The following CNTNAP3 variants were observed in gnomAD, a reference collection of about 807,000 sequenced individuals.
The protein encoded by CNTNAP3 is contactin associated protein family member 3.
In CNTNAP3, 36 loss-of-function variants were observed where a neutral mutation model predicts 92.1. The ratio of observed to expected loss-of-function variants is 0.39; its 90% CI spans 0.30 to 0.52. The LOEUF is 0.52. CNTNAP3 is among the 20% of genes least tolerant of loss of function. CNTNAP3 has a pLI of 0.76. For synonymous variants in CNTNAP3, 232 were observed against 422.3 expected (o/e 0.55, Z 5.53); for missense variants, 534 against 1,069.6 (o/e 0.50, Z 6.98).
At chr9:39,120,812 A>G (rs1821001573) in intron 13 of CNTNAP3, among the ~76,000 whole-genome samples, 2 of 152,218 alleles carry the variant, frequency 1.3e-5, no homozygotes, top group South Asian at 4.1e-4. Context: ...TTGGAACATC[A>G]GGAAAAAAAT....
At position 39,083,836 on chromosome 9, in the gene CNTNAP3, A is replaced by G. The variant is rs1357504332; in HGVS notation, c.3442+1900T>C. ...CCTCTTGGATAAAATTCAAAGCTATATAGAAAATTCAAAATCTAAAAAGCT... is the reference window on the plus strand; with the variant it reads ...CCTCTTGGATAAAATTCAAAGCTATGTAGAAAATTCAAAATCTAAAAAGCT... On this transcript the variant is annotated intron_variant, in intron 21 of 23. Transcript: ENST00000297668. Among the ~76,000 whole-genome samples, 3 of 151,966 alleles carry G rather than the reference A, an allele frequency of 2.0e-5. No homozygotes were observed. The East Asian group carries it at 5.8e-4, about 30-fold the overall frequency.
intron 18 of CNTNAP3, among the ~76,000 whole-genome samples, chr9:39,096,947 T>C (rs1826340501): frequency 6.6e-6 from 1 of 151,336 alleles, no homozygotes; most frequent in Non-Finnish European, 1.5e-5. Context: ...AACCATTATT[T>C]TTCAAATATT....
At chr9:39,100,991 T>A (rs1826443689) in intron 17 of CNTNAP3, among the ~76,000 whole-genome samples, 1 of 150,998 alleles carries the variant, frequency 6.6e-6, no homozygotes, top group African/African-American at 2.4e-5. Context: ...TGGGTGATTC[T>A]GAAGCCAGTG....
intron 15 of CNTNAP3, among the ~76,000 whole-genome samples, chr9:39,104,140 G>A (rs1021826391): frequency 5.9e-5 from 9 of 152,084 alleles, no homozygotes; most frequent in African/African-American, 1.7e-4. Flanking sequence ...AAACAAAAGC[G>A]AAGCAAAAGC....
chr9:39,133,987 A>G (rs1361549463), intron 12 of CNTNAP3, among the ~76,000 whole-genome samples: 1 of 152,210 alleles, frequency 6.6e-6, no homozygotes, highest in Admixed American at 6.5e-5. Context: ...AAACATTCGT[A>G]TGGGGATTTT....
At chr9:39,118,340 G>T in intron 13 of CNTNAP3, 81 bp from the exon 14 acceptor site, 1 of 1,580,498 alleles carries the variant, frequency 6.3e-7, no homozygotes, top group Non-Finnish European at 8.6e-7. Flanking sequence ...TTACTCCCAG[G>T]TGTAAAGTGT....
intron 15 of CNTNAP3, among the ~76,000 whole-genome samples, chr9:39,108,036 T>C (rs866793103): frequency 3.9e-5 from 6 of 152,100 alleles, no homozygotes; most frequent in African/African-American, 1.4e-4. Context: ...TAATGGATGC[T>C]GATAGAAAAC....
At chr9:39,116,732 A>G (rs1433033614) in intron 14 of CNTNAP3, among the ~76,000 whole-genome samples, 1 of 152,110 alleles carries the variant, frequency 6.6e-6, no homozygotes, top group Admixed American at 6.6e-5. Context: ...CTTGAGGAAG[A>G]TTAAAAATAA....
chr9:39,089,604 T>C (rs1415068526), intron 18 of CNTNAP3, among the ~76,000 whole-genome samples: 4 of 152,208 alleles, frequency 2.6e-5, no homozygotes, highest in East Asian at 1.9e-4. Context: ...TTCAATCTTA[T>C]GATAACACCA....
Position 39,068,243 on chromosome 9 carries a change from C to CAAAAAAAAAA in CNTNAP3, c.*5637_*5646dup, listed in dbSNP as rs1198106886. 2.9e-4 allele frequency among the ~76,000 whole-genome samples: 38 copies of CAAAAAAAAAA among 129,324 alleles called. No homozygotes were observed. Among genetic ancestry groups the CAAAAAAAAAA allele is most frequent in the African/African-American group, 5.5e-4 (19 of 34,722 alleles). 84.8% of individuals were successfully genotyped at this position (129,324 alleles called of 152,430 possible). A position where few individuals can be genotyped will look rare whatever the true frequency, so the allele number is the denominator to read the frequency against. ...TGAAACCTTGCCTCCACTAAAAATA[C>CAAAAAAAAAA]AAAAAAAAAAAAAAAAAAAAAAATT... On this transcript the variant is annotated 3_prime_UTR_variant, in exon 24 of 24. Transcript: ENST00000297668.
At chr9:39,127,599 G>A (rs1264085557) in intron 13 of CNTNAP3, among the ~76,000 whole-genome samples, 1 of 152,024 alleles carries the variant, frequency 6.6e-6, no homozygotes, top group East Asian at 1.9e-4. Context: ...TACAGATGCT[G>A]GAGACATCAA....
chr9:39,128,280 A>T (rs1244664999), intron 13 of CNTNAP3, among the ~76,000 whole-genome samples: 1 of 152,018 alleles, frequency 6.6e-6, no homozygotes, highest in African/African-American at 2.4e-5. Context: ...CCAGATAAAG[A>T]CAATATGAAA....
At position 39,183,877 on chromosome 9, in the gene CNTNAP3, AATTTCAT is replaced by A. The variant is rs1822479173; in HGVS notation, c.539-5524_539-5518del. Among the ~76,000 whole-genome samples the A allele has an allele frequency of 6.4e-5, 9 of 140,642 alleles. No homozygotes were observed. In the South Asian group the frequency reaches 2.0e-3, roughly 32 times the overall value. The allele number at this position is 140,642 out of a possible 152,430, so 92.3% of individuals were successfully genotyped here. A position where few individuals can be genotyped will look rare whatever the true frequency, so the allele number is the denominator to read the frequency against. ...ATTGCCAAAAAATCAAGGTGTAGGC[AATTTCAT>A]ATCAACTCACTAATTGCCATTTGCA... On this transcript the variant is annotated intron_variant, in intron 4 of 23. Transcript: ENST00000297668.
chr9:39,129,126 T>C (rs1196263483), intron 13 of CNTNAP3, among the ~76,000 whole-genome samples: 1 of 152,166 alleles, frequency 6.6e-6, no homozygotes, highest in Non-Finnish European at 1.5e-5. Flanking sequence ...AAGATGTTTG[T>C]AGACATAAAC....
chr9:39,067,180 T>G lies in CNTNAP3; in HGVS notation c.*6710A>C, dbSNP rs1157439427. Among the ~76,000 whole-genome samples, 1 of 152,232 alleles carries G rather than the reference T, an allele frequency of 6.6e-6. No individual in the cohort carries two copies. Among genetic ancestry groups the G allele is most frequent in the South Asian group, 2.1e-4 (1 of 4,838 alleles). On this transcript the variant is annotated 3_prime_UTR_variant, in exon 24 of 24. Transcript: ENST00000297668. ...TTTTTAATCTTATACATTAACATTG[T>G]CATCTCTCGAAGTTTAATTAAAGCC... is the stretch of plus-strand genomic sequence containing the variant.
chr9:39,111,774 C>A (rs569464728), intron 14 of CNTNAP3, among the ~76,000 whole-genome samples: 1 of 152,054 alleles, frequency 6.6e-6, no homozygotes, highest in Non-Finnish European at 1.5e-5. Context: ...ATTTTCAATA[C>A]TGACTGTGCA....
intron 10 of CNTNAP3, among the ~76,000 whole-genome samples, chr9:39,147,718 T>G (rs7025860): frequency 2.6e-5 from 4 of 152,146 alleles, no homozygotes; most frequent in African/African-American, 9.7e-5. Context: ...TGTGGGATCT[T>G]AGAGACCAAG....
intron 13 of CNTNAP3, among the ~76,000 whole-genome samples, chr9:39,123,587 T>A (rs1758563): frequency 6.6e-6 from 1 of 152,052 alleles, no homozygotes; most frequent in Non-Finnish European, 1.5e-5. Flanking sequence ...TACAAAAAAA[T>A]CCACACCTAG....
chr9:39,111,028 G>A (rs576885813), intron 14 of CNTNAP3, among the ~76,000 whole-genome samples: 1 of 151,986 alleles, frequency 6.6e-6, no homozygotes, highest in Non-Finnish European at 1.5e-5. Flanking sequence ...TCAAAATAAG[G>A]CTTTCTGAAT....
Sources: allele counts gnomAD v4.1 joint callset (sites outside exome capture counted in the v4.1 genomes callset), GRCh38; gene constraint gnomAD v4.1.1; transcripts MANE v1.5; gene names NCBI Gene and HGNC (gene_info 2026-07-23, HGNC 2026-07-21).